The following DENND4A variants were observed in gnomAD, a reference collection of about 807,000 sequenced individuals.
DENND4A encodes DENN domain containing 4A.
In DENND4A, 70 loss-of-function variants were observed where a neutral mutation model predicts 199.3. The observed-to-expected ratio is 0.35, with a 90% CI of 0.29 to 0.43. The LOEUF (loss-of-function observed/expected upper bound fraction) is 0.43. Among genes scored for constraint, DENND4A ranks in the 20% least tolerant of loss-of-function variants. The probability of loss-of-function intolerance (pLI) is 1.00; values close to 1 mark genes in which losing one functional copy is unlikely to be tolerated. For missense variants in DENND4A, 1,723 were observed against 2,255.8 expected (o/e 0.76, Z 4.78); for synonymous variants, 686 against 766.9 (o/e 0.89, Z 1.74).
chr15:65,723,100 C>G (rs2075696477), intron 11 of DENND4A, among the ~76,000 whole-genome samples, 152 bp from the exon 12 acceptor site: 1 of 152,090 alleles, frequency 6.6e-6, no homozygotes, highest in Non-Finnish European at 1.5e-5. Context: ...AAAAATCCTA[C>G]AGGGGTAAAT....
chr15:65,729,459 TA>T, intron 10 of DENND4A, 74 bp downstream of exon 10: 1 of 1,507,556 alleles, frequency 6.6e-7, no homozygotes, highest in Non-Finnish European at 8.9e-7. Flanking sequence ...TAAGTTATAT[TA>T]AAATGGCTTT....
intron 14 of DENND4A, among the ~76,000 whole-genome samples, chr15:65,708,376 A>ACTTTCCATTCTCTAGCC (rs1247616411): frequency 2.0e-5 from 3 of 152,026 alleles, no homozygotes; most frequent in Non-Finnish European, 4.4e-5. Flanking sequence ...ATTGGTGCCT[A>ACTTTCCATTCTCTAGCC]CTTTCCATTC....
intron 1 of DENND4A, among the ~76,000 whole-genome samples, chr15:65,776,081 T>C (rs1451045221): frequency 1.3e-5 from 2 of 152,210 alleles, no homozygotes; most frequent in African/African-American, 4.8e-5. Context: ...TGTACATATC[T>C]CTACTATGAT....
In DENND4A at chr15:65,691,477, A is replaced by G; in HGVS notation, c.3117T>C (p.Leu1039=). The G allele has an allele frequency of 6.2e-7, 1 of 1,610,850 alleles. No homozygotes were observed. The highest frequency in any genetic ancestry group is 2.2e-5 in the East Asian group (1 of 44,844). ...TGTTTCGTGTTTCATTTGTATCTTC[A>G]AGAGATGATATTAAGAGCAGCTCAG... ...STPELLLISS[L]EDTNETRNIQ... is the part of the protein sequence containing the mutation. Residue 1039 remains leucine (L), a synonymous_variant, in exon 23 of 33, where the codon CTT becomes CTC. Transcript: ENST00000443035.
intron 14 of DENND4A, among the ~76,000 whole-genome samples, chr15:65,714,789 C>T (rs2075347968): frequency 6.6e-6 from 1 of 152,188 alleles, no homozygotes; most frequent in African/African-American, 2.4e-5. Flanking sequence ...CCTCTTTAAA[C>T]TGCCTGTCCT....
At chr15:65,725,863 G>A (rs973947257) in intron 11 of DENND4A, among the ~76,000 whole-genome samples, 6 of 151,902 alleles carry the variant, frequency 3.9e-5, no homozygotes, top group African/African-American at 1.5e-4. Context: ...ACAGGGAAGG[G>A]GAAAAGAAAC....
At chr15:65,737,648 C>A (rs777303546) in intron 7 of DENND4A, 59 bp downstream of exon 7, 20 of 1,496,176 alleles carry the variant, frequency 1.3e-5, no homozygotes, top group Middle Eastern at 1.7e-4. Flanking sequence ...GTTGCCGACA[C>A]AAATTTGCCA....
intron 27 of DENND4A, among the ~76,000 whole-genome samples, chr15:65,668,474 G>T (rs2076117314): frequency 6.6e-6 from 1 of 151,994 alleles, no homozygotes; most frequent in African/African-American, 2.4e-5. Flanking sequence ...CTCCCAAAGT[G>T]CTGGGATTAC....
At chr15:65,780,041 G>GA (rs968018950) in intron 1 of DENND4A, among the ~76,000 whole-genome samples, 54 of 149,472 alleles carry the variant, frequency 3.6e-4, no homozygotes, top group African/African-American at 9.3e-4. Flanking sequence ...ACCTAGCAGG[G>GA]AAAAAAAAAA....
intron 1 of DENND4A, chr15:65,771,674 C>T: frequency 6.2e-7 from 1 of 1,611,240 alleles, no homozygotes; most frequent in Non-Finnish European, 8.5e-7. Flanking sequence ...ATGTATACTA[C>T]CTGAAGGAAA....
chr15:65,738,730 A>G lies in DENND4A; in HGVS notation c.777T>C (p.Val259=). ...KYPLPVFSTF[V]LTGASAEKVY... is the part of the protein sequence containing the mutation. ...CCTTTTCAGCTGAGGCTCCAGTTAA[A>G]ACAAAAGTAGAAAATACAGGCAGAG... Residue 259 remains valine (V), a synonymous_variant, in exon 6 of 33, where the codon GTT becomes GTC. Transcript: ENST00000443035. 2 of 1,611,678 alleles carry G rather than the reference A, an allele frequency of 1.2e-6. No homozygotes were observed. Among genetic ancestry groups the G allele is most frequent in the Non-Finnish European group, 1.7e-6 (2 of 1,178,976 alleles).
intron 23 of DENND4A, among the ~76,000 whole-genome samples, chr15:65,685,846 A>T (rs1218391186): frequency 6.6e-6 from 1 of 152,230 alleles, no homozygotes; most frequent in Non-Finnish European, 1.5e-5. Context: ...CATAAACATA[A>T]GAGTTTATTT....
At chr15:65,665,505 A>C in intron 29 of DENND4A, 43 bp from the exon 30 acceptor site, 1 of 1,408,806 alleles carries the variant, frequency 7.1e-7, no homozygotes, top group East Asian at 2.4e-5. Flanking sequence ...CTTACATGAT[A>C]ATTTTTCATA....
chr15:65,714,152 C>G (rs2075324643), intron 14 of DENND4A, among the ~76,000 whole-genome samples: 1 of 152,034 alleles, frequency 6.6e-6, no homozygotes, highest in Non-Finnish European at 1.5e-5. Flanking sequence ...TGGCTTATGT[C>G]TGTAATCCCA....
intron 1 of DENND4A, among the ~76,000 whole-genome samples, chr15:65,768,307 G>A (rs1479232375): frequency 6.6e-6 from 1 of 152,056 alleles, no homozygotes; most frequent in Non-Finnish European, 1.5e-5. Flanking sequence ...ATGAGCTACT[G>A]CACCTAGCCT....
At chr15:65,784,658 T>C (rs768038918) in intron 1 of DENND4A, among the ~76,000 whole-genome samples, 3 of 152,180 alleles carry the variant, frequency 2.0e-5, no homozygotes, top group Admixed American at 6.5e-5. Flanking sequence ...CAGGTAGTAT[T>C]GTGCAAAATA....
At position 65,702,958 on chromosome 15, in the gene DENND4A, C is replaced by G. The variant is rs925222694; in HGVS notation, c.2138G>C (p.Gly713Ala). The G allele has an allele frequency of 1.9e-6, 3 of 1,613,122 alleles. No homozygotes were observed. The highest frequency in any genetic ancestry group is 4.5e-5 in the East Asian group (2 of 44,740). Residue 713 changes from glycine (G) to alanine (A), a missense_variant, in exon 16 of 33, where the codon GGA (glycine) becomes GCA (alanine). By Grantham distance (60) the Gly-to-Ala change is moderately conservative. This residue lies in a region of DENND4A where 725 missense variants were observed against 952.9 expected (regional missense o/e 0.76). Transcript: ENST00000443035. ...TTTGTTCTTCTTTGCTTGTAGAAATCCTTCAGGTCTTTCAAATAAATTGTT... is the reference window on the plus strand; with the variant it reads ...TTTGTTCTTCTTTGCTTGTAGAAATGCTTCAGGTCTTTCAAATAAATTGTT... ...LRNNLFERPE[G>A]FLQAKKNKLP...
At position 65,661,748 on chromosome 15, in the gene DENND4A, T is replaced by A. The variant is rs2075848823; in HGVS notation, c.*103A>T. On this transcript the variant is annotated 3_prime_UTR_variant, in exon 33 of 33. Coordinates refer to ENST00000443035, the MANE Select transcript of DENND4A (RefSeq NM_001320835.1). ...CTGAGTCTTTTGAACCATTTACAAA[T>A]TGTATTTTCAAAAATTGAAGAAAAA... 2.9e-6 allele frequency: 3 copies of A among 1,036,384 alleles called. No individual in the cohort carries two copies. The East Asian group carries it at 7.9e-5, about 27-fold the overall frequency. 64.2% of individuals were successfully genotyped at this position (1,036,384 alleles called of 1,614,324 possible).
chr15:65,738,360 A>G (rs1478442771), intron 6 of DENND4A, among the ~76,000 whole-genome samples: 7 of 152,162 alleles, frequency 4.6e-5, no homozygotes, highest in Non-Finnish European at 1.0e-4. Flanking sequence ...ATTAGACTTG[A>G]TAATGTCCAA....
Sources: allele counts gnomAD v4.1 joint callset (sites outside exome capture counted in the v4.1 genomes callset), GRCh38; gene constraint gnomAD v4.1.1; regional missense constraint gnomAD v4.1.1; transcripts MANE v1.5; gene names NCBI Gene and HGNC (gene_info 2026-07-23, HGNC 2026-07-21).